Variants in L3MBTL4 observed in about 807,000 individuals in gnomAD.
L3MBTL4 encodes L3MBTL histone methyl-lysine binding protein 4, also known as lethal(3)malignant brain tumor-like protein 4.
L3MBTL4 carries 70 observed loss-of-function variants against 84.5 expected under a neutral mutation model. That is an observed-to-expected ratio of 0.83 (90% CI 0.68 to 1.01). The LOEUF (loss-of-function observed/expected upper bound fraction) is 1.01. Ranked by LOEUF, L3MBTL4 falls within the 50% of genes least tolerant of loss-of-function variation. The pLI is 0.00. For missense variants in L3MBTL4, 715 were observed against 754.8 expected (o/e 0.95, Z 0.62); for synonymous variants, 274 against 259.8 (o/e 1.05, Z -0.52).
At chr18:6,235,184 G>C (rs1404602789) in intron 10 of L3MBTL4, among the ~76,000 whole-genome samples, 1 of 152,144 alleles carries the variant, frequency 6.6e-6, no homozygotes, top group African/African-American at 2.4e-5. Flanking sequence ...TGGGAGCATG[G>C]GGGAGGGATA....
chr18:5,992,976 T>C (rs145237404), intron 16 of L3MBTL4, among the ~76,000 whole-genome samples: 153 of 152,290 alleles, frequency 1.0e-3, no homozygotes, highest in African/African-American at 3.6e-3. Context: ...GAGAAGTCGA[T>C]CTGATTTCGA....
chr18:6,409,262 A>AT (rs2144734780), intron 1 of L3MBTL4, among the ~76,000 whole-genome samples: 1 of 152,326 alleles, frequency 6.6e-6, no homozygotes, highest in Non-Finnish European at 1.5e-5. Context: ...TGTGGCTATA[A>AT]TCTGGTCCTT....
chr18:6,405,824 T>C (rs1314809604), intron 1 of L3MBTL4, among the ~76,000 whole-genome samples: 1 of 152,208 alleles, frequency 6.6e-6, no homozygotes, highest in Non-Finnish European at 1.5e-5. Context: ...CCAGTGATTT[T>C]CCTGTACTGC....
chr18:6,127,729 C>T (rs1373487096), intron 14 of L3MBTL4, among the ~76,000 whole-genome samples: 2 of 152,066 alleles, frequency 1.3e-5, no homozygotes, highest in Non-Finnish European at 2.9e-5. Flanking sequence ...TAAAAACACA[C>T]CAGGAAAAGT....
chr18:6,153,877 T>C (rs1470570232), intron 13 of L3MBTL4, among the ~76,000 whole-genome samples: 1 of 152,206 alleles, frequency 6.6e-6, no homozygotes, highest in African/African-American at 2.4e-5. Flanking sequence ...TCCTCAGCCA[T>C]GCAGAACTGT....
intron 1 of L3MBTL4, among the ~76,000 whole-genome samples, chr18:6,334,435 G>A (rs980108810): frequency 2.6e-5 from 4 of 152,052 alleles, no homozygotes; most frequent in East Asian, 1.9e-4. Flanking sequence ...ACTCAGACTC[G>A]GAAGGTGACA....
At chr18:5,978,311 CT>C (rs1248321501) in intron 16 of L3MBTL4, among the ~76,000 whole-genome samples, 1 of 152,158 alleles carries the variant, frequency 6.6e-6, no homozygotes, top group African/African-American at 2.4e-5. Context: ...TCCATAGTAA[CT>C]TTTGATAGGT....
chr18:6,105,800 CA>C (rs530044057), intron 14 of L3MBTL4, among the ~76,000 whole-genome samples: 31,000 of 95,976 alleles, frequency 0.32, 4,301 homozygotes, highest in African/African-American at 0.53. Context: ...AACTCTGTCT[CA>C]AAAAAAAAAA....
intron 16 of L3MBTL4, among the ~76,000 whole-genome samples, chr18:5,970,441 A>C (rs193244317): frequency 3.1e-4 from 47 of 152,378 alleles, no homozygotes; most frequent in Admixed American, 1.1e-3. Context: ...ATCTTATGTT[A>C]CATCTCAACA....
At chr18:6,361,603 C>A (rs865955562) in intron 1 of L3MBTL4, among the ~76,000 whole-genome samples, 1 of 152,132 alleles carries the variant, frequency 6.6e-6, no homozygotes, top group African/African-American at 2.4e-5. Context: ...CTATTTTCCT[C>A]ATGTGGAAAT....
chr18:6,279,549 G>C (rs1753757290), intron 4 of L3MBTL4, among the ~76,000 whole-genome samples: 1 of 152,154 alleles, frequency 6.6e-6, no homozygotes, highest in Non-Finnish European at 1.5e-5. Flanking sequence ...TTCTTACTGG[G>C]ATATTCATGT....
intron 16 of L3MBTL4, among the ~76,000 whole-genome samples, chr18:5,991,857 C>T (rs1020035478): frequency 6.6e-6 from 1 of 151,994 alleles, no homozygotes; most frequent in Admixed American, 6.5e-5. Context: ...CCCAGCCAAC[C>T]CCAGGAGGTG....
rs191995282 is a variant in L3MBTL4 at position 6,271,973 on chromosome 18, A to G, written c.128-7935T>C. 1.5e-4 allele frequency among the ~76,000 whole-genome samples: 23 copies of G among 152,368 alleles called. No individual in the cohort carries two copies. In the East Asian group the frequency reaches 3.3e-3, roughly 22 times the overall value. On this transcript the variant is annotated intron_variant, in intron 4 of 18. Transcript: ENST00000317931. The stretch of plus-strand genomic sequence containing the variant: ...GTCAGACTGCAGAGGTCAAAGCGTG[A>G]AAGGAACACCTGGAGAAGTTTGCAA...
At chr18:6,026,186 T>C (rs16949268) in intron 16 of L3MBTL4, among the ~76,000 whole-genome samples, 1 of 152,164 alleles carries the variant, frequency 6.6e-6, no homozygotes, top group African/African-American at 2.4e-5. Flanking sequence ...TAACAAAGTA[T>C]GGTTAGAACA....
chr18:5,966,870 T>G (rs371248720), intron 17 of L3MBTL4, among the ~76,000 whole-genome samples: 1 of 151,338 alleles, frequency 6.6e-6, no homozygotes, highest in Non-Finnish European at 1.5e-5. Context: ...GGAATGGCAT[T>G]TGGCACGTCT....
intron 16 of L3MBTL4, among the ~76,000 whole-genome samples, chr18:5,975,076 C>T (rs919460165): frequency 1.6e-4 from 25 of 152,028 alleles, no homozygotes; most frequent in African/African-American, 5.3e-4. Context: ...TCTGCCCTCT[C>T]ACCCATCCTT....
At chr18:5,997,007 G>A (rs934215214) in intron 16 of L3MBTL4, among the ~76,000 whole-genome samples, 8 of 142,012 alleles carry the variant, frequency 5.6e-5, no homozygotes, top group African/African-American at 2.5e-4. Flanking sequence ...TTGATCCTCA[G>A]TATCCATGTC....
At chr18:6,095,660 T>G (rs553168923) in intron 14 of L3MBTL4, among the ~76,000 whole-genome samples, 1 of 152,032 alleles carries the variant, frequency 6.6e-6, no homozygotes, top group African/African-American at 2.4e-5. Context: ...GGGGACATGG[T>G]TTTTAACACC....
intron 1 of L3MBTL4, among the ~76,000 whole-genome samples, chr18:6,364,558 G>C (rs1488185464): frequency 6.6e-6 from 1 of 152,022 alleles, no homozygotes; most frequent in East Asian, 1.9e-4. Context: ...CGAAGTAAAA[G>C]AGTCACTGGT....
Sources: allele counts gnomAD v4.1 joint callset (sites outside exome capture counted in the v4.1 genomes callset), GRCh38; gene constraint gnomAD v4.1.1; transcripts MANE v1.5; gene names NCBI Gene and HGNC (gene_info 2026-07-23, HGNC 2026-07-21).